The following SHLD1 variants were observed in gnomAD, a reference collection of about 807,000 sequenced individuals.
SHLD1 encodes shieldin complex subunit 1, also known as RINN1-REV7-interacting novel NHEJ regulator 3.
Under a neutral mutation model 5.5 loss-of-function variants are expected in SHLD1, and 3 were observed. The observed-to-expected ratio is 0.54, with a 90% CI of 0.25 to 1.40. SHLD1 has a LOEUF of 1.40. Among genes scored for constraint, SHLD1 ranks in the 40% most tolerant of loss-of-function variants. The probability of loss-of-function intolerance (pLI) is 0.15; values close to 1 mark genes in which losing one functional copy is unlikely to be tolerated. For synonymous variants in SHLD1, 92 were observed against 94.3 expected (o/e 0.98, Z 0.14); for missense variants, 210 against 244.4 (o/e 0.86, Z 0.94).
At chr20:5,813,156 G>A (rs541308467) in intron 2 of SHLD1, among the ~76,000 whole-genome samples, 6 of 152,086 alleles carry the variant, frequency 3.9e-5, no homozygotes, top group East Asian at 2.0e-4. Flanking sequence ...GATTACAGGC[G>A]TGAGTCACCA....
chr20:5,826,278 C>T (rs903105105), intron 2 of SHLD1, among the ~76,000 whole-genome samples: 3 of 151,984 alleles, frequency 2.0e-5, no homozygotes, highest in Admixed American at 1.3e-4. Flanking sequence ...GTAACCACAG[C>T]CCTCCTTTTC....
At chr20:5,763,290 C>CA (rs57863188) in intron 1 of SHLD1, among the ~76,000 whole-genome samples, 22,640 of 57,884 alleles carry the variant, frequency 0.39, 3,638 homozygotes, top group East Asian at 0.61. Flanking sequence ...AACTCCATCT[C>CA]AAAAAAAAAA....
chr20:5,831,015 A>T (rs1394020021), intron 2 of SHLD1, among the ~76,000 whole-genome samples: 2 of 152,316 alleles, frequency 1.3e-5, no homozygotes, highest in East Asian at 3.9e-4. Context: ...AAAGTAAAAA[A>T]AAATCAGTTT....
intron 2 of SHLD1, among the ~76,000 whole-genome samples, chr20:5,851,261 G>C (rs1168791055): frequency 6.6e-6 from 1 of 152,156 alleles, no homozygotes; most frequent in Non-Finnish European, 1.5e-5. Flanking sequence ...TGAGGCCAGA[G>C]GATCACTTAA....
rs1242097356 is a variant in SHLD1, at chr20:5,863,368, G to A, written c.523G>A (p.Gly175Arg). Residue 175 changes from glycine to arginine, a missense_variant, in exon 3 of 3, where the codon GGA becomes AGA. Physicochemically the swap from Gly to Arg is moderately radical, Grantham distance 125 (BLOSUM62 -2). Transcript: ENST00000303142. ...CACCCACTTCTACCCACTGGAGGAA[G>A]GAAGTACATCTTTGGATGATGAAAA... ...RDTHFYPLEEGSTSLDDEKPN... is the reference protein window; with the variant it reads ...RDTHFYPLEERSTSLDDEKPN... 1 of 1,614,084 alleles carries A rather than the reference G, an allele frequency of 6.2e-7. No individual in the cohort carries two copies. The highest frequency in any genetic ancestry group is 2.2e-5 in the East Asian group (1 of 44,892).
intron 2 of SHLD1, among the ~76,000 whole-genome samples, chr20:5,775,923 ATTTTTTTTTT>A (rs533313849): frequency 1.3e-5 from 1 of 77,678 alleles, no homozygotes; most frequent in African/African-American, 6.0e-5. Flanking sequence ...TCAGCTCAGG[ATTTTTTTTTT>A]TTTTTTTTTT....
At chr20:5,858,360 G>C (rs2088117172) in intron 2 of SHLD1, among the ~76,000 whole-genome samples, 1 of 152,144 alleles carries the variant, frequency 6.6e-6, no homozygotes, top group Admixed American at 6.5e-5. Flanking sequence ...CACAGAAATA[G>C]CCATGGAAAG....
chr20:5,820,293 C>T (rs937622336), intron 2 of SHLD1, among the ~76,000 whole-genome samples: 1 of 152,256 alleles, frequency 6.6e-6, no homozygotes, highest in African/African-American at 2.4e-5. Flanking sequence ...CTTCATGTCC[C>T]TGATGGTTCC....
intron 1 of SHLD1, among the ~76,000 whole-genome samples, chr20:5,761,499 C>T (rs1984463709): frequency 2.0e-5 from 3 of 151,460 alleles, no homozygotes; most frequent in Admixed American, 2.0e-4. Context: ...TAGAGGCAGG[C>T]TGAGAAGATA....
rs2088185515 is a variant in SHLD1 at position 5,863,154 on chromosome 20, T to C, written c.309T>C (p.Tyr103=). ...TTCGGAAATCCCTGGATAGATTCTA[T>C]GAAATGTTTGGTCATCCACAGCCAG... ...DGLRKSLDRF[Y]EMFGHPQPGS... Residue 103 remains tyrosine (Y), a synonymous_variant, in exon 3 of 3, where the codon TAT becomes TAC. Coordinates refer to ENST00000303142, the MANE Select transcript of SHLD1 (RefSeq NM_152504.4). The C allele has an allele frequency of 1.9e-6, 3 of 1,614,062 alleles. No individual in the cohort carries two copies. The highest frequency in any genetic ancestry group is 2.7e-5 in the African/African-American group (2 of 74,916).
chr20:5,773,112 GTT>G, intron 2 of SHLD1, 69 bp downstream of exon 2: 1 of 1,523,292 alleles, frequency 6.6e-7, no homozygotes, highest in Non-Finnish European at 9.1e-7. Context: ...GTGATAGTTT[GTT>G]TCTCTCTCTT....
chr20:5,860,383 A>T (rs552034216), intron 2 of SHLD1, among the ~76,000 whole-genome samples: 44 of 152,132 alleles, frequency 2.9e-4, no homozygotes, highest in African/African-American at 1.0e-3. Context: ...GCCCTTTTTT[A>T]TGAATTATTT....
rs187522566 is a variant in SHLD1 at position 5,859,439 on chromosome 20, C to G, written c.179-3585C>G. Among the ~76,000 whole-genome samples the G allele has an allele frequency of 2.6e-3, 389 of 152,308 alleles. 3 individuals are homozygous for G. Among genetic ancestry groups the G allele is most frequent in the African/African-American group, 8.8e-3 (367 of 41,564 alleles). ...AACATCCCTAGACTCTCCCTGAAGA[C>G]GTTGCTATCCCCCTTTGACAGCTCT... On this transcript the variant is annotated intron_variant, in intron 2 of 2. Transcript: ENST00000303142.
chr20:5,825,982 G>A (rs1039060942), intron 2 of SHLD1, among the ~76,000 whole-genome samples: 6 of 152,190 alleles, frequency 3.9e-5, no homozygotes, highest in African/African-American at 1.4e-4. Context: ...AGTGCCACTG[G>A]AGAGCCCCTT....
At chr20:5,800,561 A>G (rs1181842132) in intron 2 of SHLD1, among the ~76,000 whole-genome samples, 1 of 152,166 alleles carries the variant, frequency 6.6e-6, no homozygotes, top group African/African-American at 2.4e-5. Flanking sequence ...ACGGTGGCAG[A>G]CACCTGTAAT....
At chr20:5,830,550 T>C (rs2087716469) in intron 2 of SHLD1, among the ~76,000 whole-genome samples, 1 of 152,028 alleles carries the variant, frequency 6.6e-6, no homozygotes, top group African/African-American at 2.4e-5. Flanking sequence ...TAGCCAGGCG[T>C]AGTGGCACAT....
intron 1 of SHLD1, among the ~76,000 whole-genome samples, chr20:5,750,804 C>T (rs939939645): frequency 2.6e-5 from 4 of 151,924 alleles, no homozygotes; most frequent in Admixed American, 1.3e-4. Context: ...AATTTCTATT[C>T]ACCTACTAAG....
At chr20:5,840,113 T>G (rs554230193) in intron 2 of SHLD1, among the ~76,000 whole-genome samples, 1 of 152,358 alleles carries the variant, frequency 6.6e-6, no homozygotes, top group South Asian at 2.1e-4. Flanking sequence ...TTCATCCCCA[T>G]GAGCTTGCCT....
intron 2 of SHLD1, among the ~76,000 whole-genome samples, chr20:5,828,300 A>C (rs1344851451): frequency 2.3e-5 from 3 of 127,776 alleles, no homozygotes; most frequent in Non-Finnish European, 5.2e-5. Flanking sequence ...GTCATCACAG[A>C]GTCTCTAGAC....
Sources: gnomAD v4.1 joint callset for allele counts (sites outside exome capture counted in the v4.1 genomes callset) on GRCh38, gnomAD v4.1.1 for gene constraint, MANE v1.5 for transcripts, NCBI Gene and HGNC (gene_info 2026-07-23, HGNC 2026-07-21) for gene names.